Variants in THSD4 observed in about 807,000 individuals in gnomAD.
THSD4 encodes thrombospondin type-1 domain-containing protein 4.
In THSD4, 69 loss-of-function variants were observed where a neutral mutation model predicts 119.0. The ratio of observed to expected loss-of-function variants is 0.58; its 90% CI spans 0.48 to 0.71. The LOEUF is 0.71. Ranked by LOEUF, THSD4 falls within the 30% of genes least tolerant of loss-of-function variation. THSD4 has a pLI of 0.00. For synonymous variants in THSD4, 524 were observed against 540.4 expected (o/e 0.97, Z 0.42); for missense variants, 1,393 against 1,391.1 (o/e 1.00, Z -0.02).
In THSD4 at chr15:71,148,598, G is replaced by T. The variant is rs572849290; in HGVS notation, c.30-6265G>T. 2.6e-5 allele frequency among the ~76,000 whole-genome samples: 4 copies of T among 152,304 alleles called. No individual in the cohort carries two copies. The East Asian group carries it at 7.7e-4, about 29-fold the overall frequency. Reference sequence around the variant, plus strand: ...TATCCTCTGGTGGGACTGGATGAATGCAGCTTTATTGCGTCCACCTAGTTT... The same window carrying T: ...TATCCTCTGGTGGGACTGGATGAATTCAGCTTTATTGCGTCCACCTAGTTT... On this transcript the variant is annotated intron_variant, in intron 2 of 17. Transcript: ENST00000261862.
chr15:71,251,772 A>G (rs2044262646), intron 5 of THSD4, among the ~76,000 whole-genome samples: 1 of 152,114 alleles, frequency 6.6e-6, no homozygotes, highest in Middle Eastern at 3.2e-3. Context: ...GTGATCACTG[A>G]TGGTGGCTCT....
rs984757378 is a variant in THSD4, at chr15:71,360,601, C to T, written c.1016-51086C>T. On this transcript the variant is annotated intron_variant, in intron 6 of 17. Transcript: ENST00000261862. ...ATCATTTTGGGTTCACTACGGTACT[C>T]GGACTCTCTCCCCGGCATCCAATCC... is the stretch of plus-strand genomic sequence containing the variant. 1.4e-4 allele frequency among the ~76,000 whole-genome samples: 22 copies of T among 152,308 alleles called. No individual in the cohort carries two copies. The Middle Eastern group carries it at 0.01, about 71-fold the overall frequency.
In THSD4 at chr15:71,771,080, A is replaced by G. The variant is rs1241830625; in HGVS notation, c.2786A>G (p.Gln929Arg). Residue 929 changes from glutamine (Q) to arginine (R), a missense_variant, in exon 17 of 18, where the codon CAG becomes CGG. By Grantham distance (43) the Gln-to-Arg change is conservative (BLOSUM62 1). Transcript: ENST00000261862. ...CCCATGCAGTGTTCCAAGAGCTGCC[A>G]GGGTGGCTTTCGGGTCCGGGAAGTG... Reference protein sequence around the residue: ...TEWSMCSKSCQGGFRVREVRC... With the variant: ...TEWSMCSKSCRGGFRVREVRC... 23 of 1,614,046 alleles carry G rather than the reference A, an allele frequency of 1.4e-5. No homozygotes were observed. Among genetic ancestry groups the G allele is most frequent in the Non-Finnish European group, 1.8e-5 (21 of 1,180,018 alleles).
Position 71,421,671 on chromosome 15 carries a change from G to A in THSD4, c.1152+9848G>A, listed in dbSNP as rs1332564056. On this transcript the variant is annotated intron_variant, in intron 7 of 17. Coordinates refer to ENST00000261862, the MANE Select transcript of THSD4 (RefSeq NM_024817.3). Reference sequence around the variant, plus strand: ...TGTCATTTGGGTTATATTGTACTTGGTCTTTTATACCCTTCTTGTACTTAA... The same window carrying A: ...TGTCATTTGGGTTATATTGTACTTGATCTTTTATACCCTTCTTGTACTTAA... Among the ~76,000 whole-genome samples the A allele has an allele frequency of 2.0e-5, 3 of 151,998 alleles. No homozygotes were observed. In the East Asian group the frequency reaches 5.8e-4, roughly 29 times the overall value.
At chr15:71,098,214 G>A (rs75694232) in intron 1 of THSD4, among the ~76,000 whole-genome samples, 2 of 55,752 alleles carry the variant, frequency 3.6e-5, no homozygotes, top group Admixed American at 2.0e-4. Context: ...TTTTTTTTTT[G>A]GGGGGAGAGA....
At chr15:71,368,748 G>A (rs979120821) in intron 6 of THSD4, among the ~76,000 whole-genome samples, 2 of 152,258 alleles carry the variant, frequency 1.3e-5, no homozygotes, top group African/African-American at 4.8e-5. Flanking sequence ...TTTTGGCTTA[G>A]GATTGTCTTG....
intron 14 of THSD4, among the ~76,000 whole-genome samples, chr15:71,752,750 C>T (rs911914457): frequency 7.9e-5 from 12 of 152,200 alleles, no homozygotes; most frequent in African/African-American, 2.9e-4. Flanking sequence ...GAGGTTGGCA[C>T]AGTGGGAAGG....
chr15:71,312,185 A>G (rs1314063301), intron 6 of THSD4, among the ~76,000 whole-genome samples: 3 of 152,088 alleles, frequency 2.0e-5, no homozygotes, highest in Non-Finnish European at 4.4e-5. Flanking sequence ...AGACCTTTAA[A>G]GAGGTAATTG....
chr15:71,398,465 C>T (rs141959877), intron 6 of THSD4, among the ~76,000 whole-genome samples: 26 of 152,202 alleles, frequency 1.7e-4, no homozygotes, highest in Non-Finnish European at 2.6e-4. Flanking sequence ...GAATGTGTAG[C>T]TTCTAACACA....
At chr15:71,236,460 G>T (rs2044106274) in intron 4 of THSD4, among the ~76,000 whole-genome samples, 1 of 152,200 alleles carries the variant, frequency 6.6e-6, no homozygotes, top group African/African-American at 2.4e-5. Context: ...TACCAGAAAT[G>T]CTCTCACACA....
chr15:71,338,904 T>G (rs2045524693), intron 6 of THSD4, among the ~76,000 whole-genome samples: 1 of 151,912 alleles, frequency 6.6e-6, no homozygotes, highest in African/African-American at 2.4e-5. Flanking sequence ...AGAGTTGGAG[T>G]TCTGGGGCTG....
chr15:71,720,008 T>C (rs901506682), intron 8 of THSD4, among the ~76,000 whole-genome samples: 25 of 149,354 alleles, frequency 1.7e-4, no homozygotes, highest in African/African-American at 5.9e-4. Flanking sequence ...AAATTTGCTG[T>C]GTAATAACAT....
intron 4 of THSD4, among the ~76,000 whole-genome samples, chr15:71,230,112 G>A (rs1008719812): frequency 1.3e-5 from 2 of 152,098 alleles, no homozygotes; most frequent in Non-Finnish European, 1.5e-5. Flanking sequence ...CTAGGGCAGA[G>A]GGCACTGTTT....
intron 6 of THSD4, among the ~76,000 whole-genome samples, chr15:71,406,426 T>C (rs923070193): frequency 1.3e-5 from 2 of 152,172 alleles, no homozygotes; most frequent in African/African-American, 2.4e-5. Context: ...TCTATAGATG[T>C]CTCAGTCTAA....
chr15:71,765,068 G>A lies in THSD4; in HGVS notation c.2638G>A (p.Val880Ile). 6.2e-6 allele frequency: 10 copies of A among 1,614,216 alleles called. No homozygotes were observed. The highest frequency in any genetic ancestry group is 8.5e-6 in the Non-Finnish European group (10 of 1,180,042). The change falls in exon 16 of 18, where the codon GTT becomes ATT. Residue 880 changes from valine to isoleucine, a missense_variant. Transcript: ENST00000261862. ...GACGCAACAGAGGGAGGTGATTTGT[G>A]TTAGAAAGAATGCAGACACCTTTGA... ...SGTQQREVIC[V>I]RKNADTFEVL...
chr15:71,249,124 CACGT>C (rs1176265585), intron 5 of THSD4, among the ~76,000 whole-genome samples: 1 of 152,034 alleles, frequency 6.6e-6, no homozygotes, highest in African/African-American at 2.4e-5. Context: ...TACACACACA[CACGT>C]ATGTATATAC....
In THSD4 at chr15:71,131,337, G is replaced by A. The variant is rs557508407; in HGVS notation, c.-79-10112G>A. Reference sequence around the variant, plus strand: ...TAAAATTAGAAGATGAAAAGCAAACGAAAACAAGGTCCTAACTTGACAAAA... The same window carrying A: ...TAAAATTAGAAGATGAAAAGCAAACAAAAACAAGGTCCTAACTTGACAAAA... On this transcript the variant is annotated intron_variant, in intron 1 of 17. Transcript: ENST00000261862. 5.9e-4 allele frequency among the ~76,000 whole-genome samples: 89 copies of A among 151,898 alleles called. 1 individual carries two copies. The South Asian group carries it at 9.6e-3, about 16-fold the overall frequency.
chr15:71,551,928 C>T (rs902273585), intron 7 of THSD4, among the ~76,000 whole-genome samples: 1 of 152,186 alleles, frequency 6.6e-6, no homozygotes. Flanking sequence ...GGGAACCCTC[C>T]CCAAATCCAA....
At chr15:71,272,986 A>T (rs961920210) in intron 6 of THSD4, among the ~76,000 whole-genome samples, 1 of 152,224 alleles carries the variant, frequency 6.6e-6, no homozygotes, top group African/African-American at 2.4e-5. Flanking sequence ...ACAGTATGGA[A>T]GTTTCTCAAA....
Sources: gnomAD v4.1 joint callset for allele counts (sites outside exome capture counted in the v4.1 genomes callset) on GRCh38, gnomAD v4.1.1 for gene constraint, MANE v1.5 for transcripts, NCBI Gene and HGNC (gene_info 2026-07-23, HGNC 2026-07-21) for gene names.